TBCD: variants seen among roughly 807,000 people sequenced by gnomAD.
TBCD encodes tubulin-specific chaperone D.
TBCD carries 105 observed loss-of-function variants against 169.3 expected under a neutral mutation model. The ratio of observed to expected loss-of-function variants is 0.62; its 90% CI spans 0.53 to 0.73. The LOEUF (loss-of-function observed/expected upper bound fraction) is 0.73, where lower values mean the gene tolerates loss of function less well. Among genes scored for constraint, TBCD ranks in the 30% least tolerant of loss-of-function variants. The pLI is 0.00. For synonymous variants in TBCD, 700 were observed against 643.9 expected (o/e 1.09, Z -1.32); for missense variants, 1,444 against 1,600.1 (o/e 0.90, Z 1.66).
chr17:82,941,616 C>T (rs2063281959), intron 38 of TBCD, 133 bp downstream of exon 38: 1 of 796,256 alleles, frequency 1.3e-6, no homozygotes, highest in South Asian at 1.7e-5. Flanking sequence ...GTCAGGACCC[C>T]TGGGATTACG....
chr17:82,863,634 C>T (rs1041734336), intron 13 of TBCD, among the ~76,000 whole-genome samples: 1 of 152,132 alleles, frequency 6.6e-6, no homozygotes, highest in Admixed American at 6.5e-5. Flanking sequence ...AGTGCCCTCC[C>T]AAAACTCTGC....
chr17:82,814,342 G>A (rs1015584603), intron 12 of TBCD, among the ~76,000 whole-genome samples: 2 of 152,164 alleles, frequency 1.3e-5, no homozygotes, highest in African/African-American at 2.4e-5. Flanking sequence ...TACTTGGAGC[G>A]ACACCACTGT....
At chr17:82,793,124 T>A (rs977983792) in intron 7 of TBCD, among the ~76,000 whole-genome samples, 4 of 152,234 alleles carry the variant, frequency 2.6e-5, no homozygotes, top group African/African-American at 9.6e-5. Context: ...GTCAGAAATT[T>A]ATTTTGTCAG....
At chr17:82,925,765 C>T (rs966149774) in intron 27 of TBCD, among the ~76,000 whole-genome samples, 3 of 152,202 alleles carry the variant, frequency 2.0e-5, no homozygotes, top group Non-Finnish European at 1.5e-5. Context: ...GAAACAGGAT[C>T]ACTTGGAGAT....
At chr17:82,856,262 A>AAT (rs1202288697) in intron 13 of TBCD, among the ~76,000 whole-genome samples, 2 of 151,988 alleles carry the variant, frequency 1.3e-5, no homozygotes, top group Non-Finnish European at 2.9e-5. Context: ...AAGAATATAA[A>AAT]AAGATTAAAA....
At chr17:82,801,471 G>A (rs1429244656) in intron 9 of TBCD, among the ~76,000 whole-genome samples, 1 of 151,504 alleles carries the variant, frequency 6.6e-6, no homozygotes, top group Non-Finnish European at 1.5e-5. Flanking sequence ...GTGGCAGGAT[G>A]GCGGCGTGTG....
chr17:82,936,093 C>G lies in TBCD; in HGVS notation c.3192-1178C>G, dbSNP rs531440914. 2.0e-5 allele frequency among the ~76,000 whole-genome samples: 3 copies of G among 152,348 alleles called. No homozygotes were observed. In the South Asian group the frequency reaches 6.2e-4, roughly 32 times the overall value. ...CTGGAAACGGCCCGGGTTTCCCACCCCCTGCCCAGGTTTGCTCCTTCCCTG... is the reference window on the plus strand; with the variant it reads ...CTGGAAACGGCCCGGGTTTCCCACCGCCTGCCCAGGTTTGCTCCTTCCCTG... On this transcript the variant is annotated intron_variant, in intron 34 of 38. Coordinates refer to ENST00000355528, the MANE Select transcript of TBCD (RefSeq NM_005993.5).
At chr17:82,935,283 A>G (rs1284024056) in intron 34 of TBCD, among the ~76,000 whole-genome samples, 1 of 152,130 alleles carries the variant, frequency 6.6e-6, no homozygotes, top group African/African-American at 2.4e-5. Context: ...TTTGAACTGT[A>G]TACTTTTTTC....
At position 82,787,350 on chromosome 17, in the gene TBCD, T is replaced by TGGCGG. The variant is rs1267447374; in HGVS notation, c.771+5633_771+5637dup. 6.6e-5 allele frequency among the ~76,000 whole-genome samples: 10 copies of TGGCGG among 152,356 alleles called. No homozygotes were observed. In the East Asian group the frequency reaches 1.9e-3, roughly 29 times the overall value. On this transcript the variant is annotated intron_variant, in intron 7 of 38. Coordinates refer to ENST00000355528, the MANE Select transcript of TBCD (RefSeq NM_005993.5). ...AATGAAACTGCCGTGAAGCAACGCC[T>TGGCGG]GGCGGGGCCGGGCTTCTGGCAGCTC...
rs2063556284 is a variant in TBCD, at chr17:82,944,678, A to G, written c.*2215A>G. 1 of 152,148 alleles carries G rather than the reference A, an allele frequency of 6.6e-6. No individual in the cohort carries two copies. The highest frequency in any genetic ancestry group is 6.6e-5 in the Admixed American group (1 of 15,264). 9.4% of individuals were successfully genotyped at this position (152,148 alleles called of 1,614,324 possible). A position where few individuals can be genotyped will look rare whatever the true frequency, so the allele number is the denominator to read the frequency against. ...GCAGCAAGAAGCCAGTATCCCTGGGACCGGGGAGCTGATGTGGGATTTGTG... is the reference window on the plus strand; with the variant it reads ...GCAGCAAGAAGCCAGTATCCCTGGGGCCGGGGAGCTGATGTGGGATTTGTG... On this transcript the variant is annotated 3_prime_UTR_variant, in exon 39 of 39. Coordinates refer to ENST00000355528, the MANE Select transcript of TBCD (RefSeq NM_005993.5).
intron 1 of TBCD, among the ~76,000 whole-genome samples, chr17:82,753,250 C>G (rs2143726960): frequency 6.6e-6 from 1 of 152,064 alleles, no homozygotes; most frequent in African/African-American, 2.4e-5. Context: ...AGTGCGGGTT[C>G]GGCGTCAGAT....
intron 3 of TBCD, among the ~76,000 whole-genome samples, chr17:82,766,040 T>C (rs2048001431): frequency 6.6e-6 from 1 of 152,208 alleles, no homozygotes; most frequent in African/African-American, 2.4e-5. Context: ...TTCTTTTGCC[T>C]CGGCCTCCCA....
intron 13 of TBCD, among the ~76,000 whole-genome samples, chr17:82,824,484 A>G (rs1271623685): frequency 1.3e-5 from 2 of 151,896 alleles, no homozygotes; most frequent in African/African-American, 4.8e-5. Flanking sequence ...CGCCCGACCC[A>G]TATATTTATT....
At position 82,830,469 on chromosome 17, in the gene TBCD, G is replaced by GC. The variant is rs777894983; in HGVS notation, c.1318+15537dup. On this transcript the variant is annotated intron_variant, in intron 13 of 38. Transcript: ENST00000355528. ...CCGCGCATGCGTCTGGAGCCTCCTC[G>GC]CCGGGGCCTGTGGGTGGGGCCCCGT... The GC allele has an allele frequency of 2.5e-6, 4 of 1,612,748 alleles. No homozygotes were observed. In the Admixed American group the frequency reaches 6.7e-5, roughly 27 times the overall value.
intron 13 of TBCD, among the ~76,000 whole-genome samples, chr17:82,828,600 A>ACCCC (rs2053163581): frequency 7.0e-6 from 1 of 142,782 alleles, no homozygotes; most frequent in Non-Finnish European, 1.5e-5. Flanking sequence ...ATGCACACAC[A>ACCCC]CCCGCAGGTA....
chr17:82,848,289 G>A (rs981999412), intron 13 of TBCD, among the ~76,000 whole-genome samples: 11 of 152,204 alleles, frequency 7.2e-5, no homozygotes, highest in Admixed American at 1.3e-4. Flanking sequence ...TTTAAACAGC[G>A]TCCTGTCGCT....
chr17:82,850,221 C>T lies in TBCD; in HGVS notation c.1319-20003C>T, dbSNP rs866775237. Reference sequence around the variant, plus strand: ...GGCTGTGCTGTTGTTGGCTGTGCTGCTGTTGGCTGTGCTGCTGTTGGCTGT... The same window carrying T: ...GGCTGTGCTGTTGTTGGCTGTGCTGTTGTTGGCTGTGCTGCTGTTGGCTGT... On this transcript the variant is annotated intron_variant, in intron 13 of 38. Transcript: ENST00000355528. Among the ~76,000 whole-genome samples, 257 of 77,678 alleles carry T rather than the reference C, an allele frequency of 3.3e-3. 5 individuals are homozygous for T. The highest frequency in any genetic ancestry group is 0.012 in the African/African-American group (218 of 18,630). 51.0% of individuals were successfully genotyped at this position (77,678 alleles called of 152,430 possible).
At chr17:82,819,094 G>A (rs1271355203) in intron 13 of TBCD, among the ~76,000 whole-genome samples, 2 of 152,170 alleles carry the variant, frequency 1.3e-5, no homozygotes, top group African/African-American at 4.8e-5. Flanking sequence ...CAAATGCTTG[G>A]CAAATAAATG....
chr17:82,871,843 G>A (rs1220330570), intron 14 of TBCD, among the ~76,000 whole-genome samples: 5 of 152,356 alleles, frequency 3.3e-5, no homozygotes, highest in Admixed American at 1.3e-4. Context: ...TCCTGGGTGC[G>A]CCTCCACTGT....
Sources: allele counts gnomAD v4.1 joint callset (sites outside exome capture counted in the v4.1 genomes callset), GRCh38; gene constraint gnomAD v4.1.1; transcripts MANE v1.5; gene names NCBI Gene and HGNC (gene_info 2026-07-23, HGNC 2026-07-21).